The following CACNA2D2 variants were observed in gnomAD, a reference collection of about 807,000 sequenced individuals.
The protein encoded by CACNA2D2 is voltage-dependent calcium channel subunit alpha-2/delta-2.
CACNA2D2 carries 48 observed loss-of-function variants against 166.4 expected under a neutral mutation model. The observed-to-expected ratio is 0.29, with a 90% CI of 0.23 to 0.37. CACNA2D2 has a LOEUF of 0.37. CACNA2D2 is among the 10% of genes least tolerant of loss of function. The pLI, the probability that CACNA2D2 is intolerant of heterozygous loss-of-function variation, is 1.00. For synonymous variants in CACNA2D2, 561 were observed against 573.7 expected, an observed-to-expected ratio of 0.98 and a Z score of 0.32; for missense variants, 1,122 against 1,433.0, an observed-to-expected ratio of 0.78 and a Z score of 3.50.
At chr3:50,446,776 G>A (rs576284602) in intron 2 of CACNA2D2, among the ~76,000 whole-genome samples, 17 of 152,322 alleles carry the variant, frequency 1.1e-4, no homozygotes, top group Admixed American at 8.5e-4. Flanking sequence ...GGGCTCATTC[G>A]CCCAACCTGT....
At chr3:50,450,807 G>A (rs1028538792) in intron 2 of CACNA2D2, among the ~76,000 whole-genome samples, 2 of 151,942 alleles carry the variant, frequency 1.3e-5, no homozygotes, top group Admixed American at 6.6e-5. Flanking sequence ...TCCGCAAGAC[G>A]CCCGCCGACG....
chr3:50,375,538 G>T lies in CACNA2D2; in HGVS notation c.1907+106C>A. 1 of 1,195,790 alleles carries T rather than the reference G, an allele frequency of 8.4e-7. No homozygotes were observed. The highest frequency in any genetic ancestry group is 1.2e-6 in the Non-Finnish European group (1 of 820,530). The allele number at this position is 1,195,790 out of a possible 1,614,324, so 74.1% of individuals were successfully genotyped here. A position where few individuals can be genotyped will look rare whatever the true frequency, so the allele number is the denominator to read the frequency against. On this transcript the variant is annotated intron_variant, in intron 21 of 37. Coordinates refer to ENST00000424201, the MANE Select transcript of CACNA2D2 (RefSeq NM_006030.4). This position sits in a 1 kb window ranked among gnomAD's most constrained non-coding sequence, Gnocchi z 4.0. Reference sequence around the variant, plus strand: ...GAGTAGTGAGCAGCCCTGGCCACTGGTGCCCCACTGGGATGGTGGTCACAG... The same window carrying T: ...GAGTAGTGAGCAGCCCTGGCCACTGTTGCCCCACTGGGATGGTGGTCACAG...
At chr3:50,378,367 C>T (rs1356246666) in intron 13 of CACNA2D2, 34 bp from the exon 14 acceptor site, 1 of 1,549,096 alleles carries the variant, frequency 6.5e-7, no homozygotes, top group Non-Finnish European at 8.7e-7. Flanking sequence ...GTGGGCCTGG[C>T]TGGCACTGCA....
chr3:50,421,415 A>G (rs1256731377), intron 3 of CACNA2D2, among the ~76,000 whole-genome samples: 1 of 152,002 alleles, frequency 6.6e-6, no homozygotes, highest in Non-Finnish European at 1.5e-5. Context: ...TGCCCCCCTC[A>G]CCCAGGCCAC....
rs1210581527 is a variant in CACNA2D2, at chr3:50,394,184, C to T, written c.406-16G>A. The T allele has an allele frequency of 6.2e-7, 1 of 1,613,082 alleles. No homozygotes were observed. ...CAGCCAGTCTCTGAGGGACAGAGCACAGGGAGGTCAGAAGCGGAGGAAGGC... is the reference window on the plus strand; with the variant it reads ...CAGCCAGTCTCTGAGGGACAGAGCATAGGGAGGTCAGAAGCGGAGGAAGGC... On this transcript the variant is annotated splice_polypyrimidine_tract_variant and intron_variant, in intron 3 of 37. Transcript: ENST00000424201.
intron 2 of CACNA2D2, among the ~76,000 whole-genome samples, chr3:50,462,430 A>AATGATGATG (rs1553750625): frequency 2.2e-4 from 31 of 141,948 alleles, no homozygotes; most frequent in African/African-American, 7.2e-4. Context: ...TAATAATAAT[A>AATGATGATG]ATGATAATAA....
At position 50,380,616 on chromosome 3, in the gene CACNA2D2, T is replaced by G; in HGVS notation, c.842+132A>C. 2 of 713,952 alleles carry G rather than the reference T, an allele frequency of 2.8e-6. No homozygotes were observed. The highest frequency in any genetic ancestry group is 2.2e-6 in the Non-Finnish European group (1 of 444,680). The allele number at this position is 713,952 out of a possible 1,614,324, so 44.2% of individuals were successfully genotyped here. On this transcript the variant is annotated intron_variant, in intron 8 of 37. Coordinates refer to ENST00000424201, the MANE Select transcript of CACNA2D2 (RefSeq NM_006030.4). This position sits in a 1 kb window ranked among gnomAD's most constrained non-coding sequence, Gnocchi z 4.9. Reference sequence around the variant, plus strand: ...GGGATCCATTTTCCAGTGGCAACCATGTGTGAAATGAAAATTGGATACAGC... The same window carrying G: ...GGGATCCATTTTCCAGTGGCAACCAGGTGTGAAATGAAAATTGGATACAGC...
intron 13 of CACNA2D2, 22 bp from the exon 14 acceptor site, chr3:50,378,355 A>G (rs1705102508): frequency 1.3e-6 from 2 of 1,550,938 alleles, no homozygotes; most frequent in African/African-American, 1.4e-5. Flanking sequence ...GGAGAGGCAG[A>G]GGTGGGCCTG....
chr3:50,433,970 C>T (rs143237808), intron 3 of CACNA2D2, among the ~76,000 whole-genome samples: 1,663 of 152,264 alleles, frequency 0.011, 41 homozygotes, highest in African/African-American at 0.037. Context: ...GCCAGGTGCC[C>T]ATCCAGGGCA....
chr3:50,400,461 C>T (rs1429924744), intron 3 of CACNA2D2, among the ~76,000 whole-genome samples: 1 of 152,254 alleles, frequency 6.6e-6, no homozygotes, highest in Non-Finnish European at 1.5e-5. Context: ...GCATGACGGC[C>T]ACCTCAGCGA....
At position 50,362,902 on chromosome 3, in the gene CACNA2D2, TTGAC is replaced by T. The variant is rs1444391426; in HGVS notation, c.*1760_*1763del. ...CACACACGATATTTTACAAAGTTTCTTGACTTTTTTGTCGCTGTTGTTTTTCCAA... is the reference window on the plus strand; with the variant it reads ...CACACACGATATTTTACAAAGTTTCTTTTTTTGTCGCTGTTGTTTTTCCAA... On this transcript the variant is annotated 3_prime_UTR_variant, in exon 38 of 38. Transcript: ENST00000424201. 1 of 391,388 alleles carries T rather than the reference TTGAC, an allele frequency of 2.6e-6. No homozygotes were observed. The highest frequency in any genetic ancestry group is 4.5e-6 in the Non-Finnish European group (1 of 222,162). The allele number at this position is 391,388 out of a possible 1,614,324, so 24.2% of individuals were successfully genotyped here. A position where few individuals can be genotyped will look rare whatever the true frequency, so the allele number is the denominator to read the frequency against.
chr3:50,398,453 G>T (rs575453327), intron 3 of CACNA2D2, among the ~76,000 whole-genome samples: 5 of 152,270 alleles, frequency 3.3e-5, no homozygotes, highest in Non-Finnish European at 7.4e-5. Context: ...TGGCTGTCAA[G>T]TTTATGGTAA....
At chr3:50,502,053 C>T (rs1038138197) in intron 1 of CACNA2D2, among the ~76,000 whole-genome samples, 2 of 152,304 alleles carry the variant, frequency 1.3e-5, no homozygotes, top group Non-Finnish European at 2.9e-5. Flanking sequence ...GTTTTTCCCT[C>T]ATCTTAGAGA....
upstream of CACNA2D2, chr3:50,503,726 G>C (rs1196798645): frequency 3.3e-5 from 5 of 151,774 alleles, no homozygotes; most frequent in Admixed American, 1.3e-4. Context: ...CTCTCTTCCC[G>C]GGCTGGCCCG....
intron 3 of CACNA2D2, among the ~76,000 whole-genome samples, chr3:50,422,280 G>C (rs554646568): frequency 6.6e-6 from 1 of 152,240 alleles, no homozygotes; most frequent in African/African-American, 2.4e-5. Flanking sequence ...CTTGGAACCT[G>C]GCTCCCCACA....
Position 50,365,166 on chromosome 3 carries a change from T to A in CACNA2D2, c.3117A>T (p.Arg1039Ser). The change falls in exon 36 of 38, where the codon AGA (arginine) becomes AGT (serine). Residue 1039 changes from arginine to serine, a missense_variant. Arg to Ser is a moderately radical substitution (Grantham distance 110). Around this residue, in one of 2 missense-constraint regions of CACNA2D2, gnomAD observed 282 missense variants for 266.2 expected, o/e 1.06. Transcript: ENST00000424201. This position sits in a 1 kb window ranked among gnomAD's most constrained non-coding sequence, Gnocchi z 4.5. ...CAAAGAGAAGATTGGTGTTGGTCAG[T>A]CTCTGCGCGTGGAACAGCCTGCGGG... ...GNCSRLFHAQ[R>S]LTNTNLLFVV... 6.2e-7 allele frequency: 1 copy of A among 1,612,080 alleles called. No individual in the cohort carries two copies. The highest frequency in any genetic ancestry group is 1.1e-5 in the South Asian group (1 of 91,068).
At chr3:50,368,077 C>T in intron 24 of CACNA2D2, 61 bp downstream of exon 24, 1 of 1,360,444 alleles carries the variant, frequency 7.4e-7, no homozygotes, top group South Asian at 1.2e-5. Context: ...CTGGGTTCCT[C>T]TGGGCTGGCC....
chr3:50,379,056 C>T lies in CACNA2D2; in HGVS notation c.1260+36G>A, dbSNP rs1705151942. On this transcript the variant is annotated intron_variant, in intron 12 of 37. Transcript: ENST00000424201. This position sits in a 1 kb window ranked among gnomAD's most constrained non-coding sequence, Gnocchi z 6.5. Reference sequence around the variant, plus strand: ...GGACAGCCCTCTTCTGTACTGGGCCCAGGTCAGGGTAGCCCCTGCCTCGGT... The same window carrying T: ...GGACAGCCCTCTTCTGTACTGGGCCTAGGTCAGGGTAGCCCCTGCCTCGGT... 3 of 1,613,378 alleles carry T rather than the reference C, an allele frequency of 1.9e-6. No homozygotes were observed. The Admixed American group carries it at 5.0e-5, about 27-fold the overall frequency.
chr3:50,469,777 G>A (rs995767410), intron 2 of CACNA2D2, among the ~76,000 whole-genome samples: 1 of 152,100 alleles, frequency 6.6e-6, no homozygotes, highest in Non-Finnish European at 1.5e-5. Flanking sequence ...ATTGCCCCTG[G>A]CACAGGCCCT....
Sources: gnomAD v4.1 joint callset for allele counts (sites outside exome capture counted in the v4.1 genomes callset) on GRCh38, gnomAD v4.1.1 for gene constraint, gnomAD v4.1.1 regional missense constraint, Gnocchi (gnomAD v3.1) non-coding constraint, MANE v1.5 for transcripts, NCBI Gene and HGNC (gene_info 2026-07-23, HGNC 2026-07-21) for gene names.